RPGRIP1L: variants seen among roughly 807,000 people sequenced by gnomAD.
RPGRIP1L encodes the protein RPGRIP1 like.
RPGRIP1L carries 131 observed loss-of-function variants against 160.4 expected under a neutral mutation model. That is an observed-to-expected ratio of 0.82 (90% confidence interval 0.71 to 0.94). RPGRIP1L has a LOEUF of 0.94. RPGRIP1L is among the 40% of genes least tolerant of loss of function. The pLI is 0.00. For synonymous variants in RPGRIP1L, 510 were observed against 515.8 expected, an observed-to-expected ratio of 0.99 and a Z score of 0.15; for missense variants, 1,522 against 1,535.8, an observed-to-expected ratio of 0.99 and a Z score of 0.15.
intron 5 of RPGRIP1L, among the ~76,000 whole-genome samples, chr16:53,687,489 T>C (rs955411333): frequency 1.3e-5 from 2 of 152,148 alleles, no homozygotes; most frequent in African/African-American, 4.8e-5. Flanking sequence ...CAATTCTTTA[T>C]TTATTTTTTT....
chr16:53,636,640 T>C, intron 21 of RPGRIP1L, 128 bp from the exon 22 acceptor site: 1 of 582,294 alleles, frequency 1.7e-6, no homozygotes. Flanking sequence ...TACCTAGATC[T>C]TTTTTAGTAG....
At chr16:53,610,914 AC>A in intron 25 of RPGRIP1L, 52 bp downstream of exon 25, 1 of 1,362,592 alleles carries the variant, frequency 7.3e-7, no homozygotes, top group Non-Finnish European at 1.1e-6. Flanking sequence ...ATGTCCTGCT[AC>A]AGAGATCTAC....
intron 22 of RPGRIP1L, among the ~76,000 whole-genome samples, chr16:53,626,145 T>TAAAAAAAAAAA (rs760491478): frequency 1.4e-3 from 83 of 60,310 alleles, no homozygotes; most frequent in South Asian, 2.2e-3. Flanking sequence ...CAATAAATAC[T>TAAAAAAAAAAA]AAAAAAAAAA....
intron 14 of RPGRIP1L, chr16:53,653,465 C>T (rs1966971973): frequency 2.3e-6 from 1 of 430,034 alleles, no homozygotes; most frequent in African/African-American, 2.1e-5. Flanking sequence ...CCGTTATATA[C>T]AGAGGCCAAC....
Position 53,652,683 on chromosome 16 carries a change from T to A in RPGRIP1L, c.2004A>T (p.Leu668Phe). Residue 668 changes from leucine (L) to phenylalanine (F), a missense_variant, in exon 15 of 27, where the codon TTA becomes TTT. Physicochemically the swap from Leu to Phe is conservative, Grantham distance 22 (BLOSUM62 0). Coordinates refer to ENST00000647211, the MANE Select transcript of RPGRIP1L (RefSeq NM_015272.5). Reference protein sequence around the residue: ...TSQYLVHVNDLFLQYIQKNTI... With the variant: ...TSQYLVHVNDFFLQYIQKNTI... ...TATTCTTCTGAATATATTGCAAAAA[T>A]AAGTCATTAACATGAACAAGATATT... 1 of 1,614,036 alleles carries A rather than the reference T, an allele frequency of 6.2e-7. No individual in the cohort carries two copies. The highest frequency in any genetic ancestry group is 8.5e-7 in the Non-Finnish European group (1 of 1,179,970).
chr16:53,679,443 C>T (rs528270958), intron 6 of RPGRIP1L, among the ~76,000 whole-genome samples: 2 of 151,898 alleles, frequency 1.3e-5, no homozygotes, highest in Admixed American at 6.5e-5. Context: ...ACTCTGTCAC[C>T]GACGATGGAG....
At position 53,691,921 on chromosome 16, in the gene RPGRIP1L, ATTATT is replaced by A. The variant is rs759068600; in HGVS notation, c.529+140_529+144del. The A allele has an allele frequency of 6.9e-5, 53 of 767,858 alleles. 1 individual carries two copies. Among genetic ancestry groups the A allele is most frequent in the East Asian group, 2.9e-4 (11 of 37,698 alleles). 47.6% of individuals were successfully genotyped at this position (767,858 alleles called of 1,614,324 possible). A position where few individuals can be genotyped will look rare whatever the true frequency, so the allele number is the denominator to read the frequency against. ...TTCTTAAATAATCTTCACTGACAAT[ATTATT>A]TTATCAAAGTAAAAAATTATTTTTC... On this transcript the variant is annotated intron_variant, in intron 4 of 26. Transcript: ENST00000647211.
chr16:53,700,221 T>A (rs962903479), intron 2 of RPGRIP1L, among the ~76,000 whole-genome samples: 1 of 152,232 alleles, frequency 6.6e-6, no homozygotes, highest in African/African-American at 2.4e-5. Flanking sequence ...AAAGTCACTA[T>A]CATGTGAGAT....
chr16:53,635,307 T>C lies in RPGRIP1L; in HGVS notation c.3294+1132A>G, dbSNP rs191847727. 3.3e-5 allele frequency: 5 copies of C among 152,278 alleles called. No individual in the cohort carries two copies. In the East Asian group the frequency reaches 9.6e-4, roughly 29 times the overall value. 9.4% of individuals were successfully genotyped at this position (152,278 alleles called of 1,614,324 possible). On this transcript the variant is annotated intron_variant, in intron 22 of 26. Coordinates refer to ENST00000647211, the MANE Select transcript of RPGRIP1L (RefSeq NM_015272.5). Reference sequence around the variant, plus strand: ...GGAGTTTTCATAGATTGGATGCTGTTATTGTAATTAATAAATATATAATAA... The same window carrying C: ...GGAGTTTTCATAGATTGGATGCTGTCATTGTAATTAATAAATATATAATAA...
intron 17 of RPGRIP1L, among the ~76,000 whole-genome samples, chr16:53,644,984 G>T (rs182790575): frequency 6.6e-6 from 1 of 152,184 alleles, no homozygotes; most frequent in Admixed American, 6.5e-5. Context: ...TGATTTAAAA[G>T]ATAACTGCAT....
chr16:53,669,399 C>A (rs1418216268), intron 9 of RPGRIP1L, among the ~76,000 whole-genome samples: 1 of 151,218 alleles, frequency 6.6e-6, no homozygotes, highest in Non-Finnish European at 1.5e-5. Flanking sequence ...GTGTGAGCAG[C>A]ATAACGAAGT....
chr16:53,671,491 A>G lies in RPGRIP1L; in HGVS notation c.1103+19T>C. 1.3e-6 allele frequency: 2 copies of G among 1,489,720 alleles called. No individual in the cohort carries two copies. The highest frequency in any genetic ancestry group is 2.3e-5 in the South Asian group (2 of 88,216). The allele number at this position is 1,489,720 out of a possible 1,614,324, so 92.3% of individuals were successfully genotyped here. On this transcript the variant is annotated intron_variant, in intron 9 of 26. Transcript: ENST00000647211. The stretch of plus-strand genomic sequence containing the variant: ...AGCTCAAACAAGACAATGAAAGAAC[A>G]CATGGAATCACGATTTACCTGTCAT...
At chr16:53,633,234 C>A (rs1247069805) in intron 22 of RPGRIP1L, among the ~76,000 whole-genome samples, 1 of 152,074 alleles carries the variant, frequency 6.6e-6, no homozygotes, top group East Asian at 1.9e-4. Flanking sequence ...ATTTATGAAA[C>A]AACACTTCAA....
In RPGRIP1L at chr16:53,657,509, G is replaced by T. The variant is rs780528142; in HGVS notation, c.1525C>A (p.Leu509Met). Residue 509 changes from leucine (L) to methionine (M), a missense_variant, in exon 13 of 27, where the codon CTG becomes ATG. Leu to Met is a conservative substitution (Grantham distance 15). Transcript: ENST00000647211. ...ATTAGCATGTTTCTTGTCTTTTCCA[G>T]CTCTTGCACCGTTTCTGCATGAGTT... The part of the protein sequence containing the change: ...QATHAETVQE[L>M]EKTRNMLIMQ... 2 of 1,612,690 alleles carry T rather than the reference G, an allele frequency of 1.2e-6. No individual in the cohort carries two copies. Among genetic ancestry groups the T allele is most frequent in the Admixed American group, 3.3e-5 (2 of 59,918 alleles).
intron 22 of RPGRIP1L, among the ~76,000 whole-genome samples, chr16:53,629,211 A>G (rs144848085): frequency 6.6e-6 from 1 of 152,290 alleles, no homozygotes; most frequent in Non-Finnish European, 1.5e-5. Flanking sequence ...ATTCTGACTT[A>G]ATTTATCTAG....
At chr16:53,641,006 T>G in intron 19 of RPGRIP1L, 27 bp downstream of exon 19, 2 of 1,477,392 alleles carry the variant, frequency 1.4e-6, no homozygotes, top group Non-Finnish European at 1.9e-6. Context: ...TATGAAAAAA[T>G]CAGTATTTTC....
In RPGRIP1L at chr16:53,637,700, G is replaced by A; in HGVS notation, c.3215C>T (p.Pro1072Leu). 6.2e-7 allele frequency: 1 copy of A among 1,608,244 alleles called. No homozygotes were observed. Among genetic ancestry groups the A allele is most frequent in the Non-Finnish European group, 8.5e-7 (1 of 1,179,590 alleles). ...DETEITEDLE[P>L]EVEEDMSASD... ...AGTTTAAATAAGAAAGTCACCTTCT[G>A]GTTCCAAGTCCTCTGTTATTTCTGT... Residue 1072 changes from proline to leucine, a missense_variant, in exon 21 of 27, where the codon CCA (proline) becomes CTA (leucine). By Grantham distance (98) the Pro-to-Leu change is moderately conservative (BLOSUM62 -3). Transcript: ENST00000647211.
chr16:53,609,964 G>GC (rs1963922560), intron 25 of RPGRIP1L, among the ~76,000 whole-genome samples: 1 of 152,030 alleles, frequency 6.6e-6, no homozygotes, highest in Non-Finnish European at 1.5e-5. Context: ...TCACTTTATG[G>GC]CCCTCTGGAA....
rs376335724 is a variant in RPGRIP1L at position 53,658,799 on chromosome 16, A to G, written c.1323T>C (p.Leu441=). ...GGTTGTACAATTTTATGCGTTTTTT[A>G]AGTTCATCAAGTTGTTGCTTTTGTT... ...YLEQKQQLDE[L]KKRIKLYNQE... The change falls in exon 11 of 27, where the codon CTT becomes CTC. Residue 441 remains leucine, a synonymous_variant. Coordinates refer to ENST00000647211, the MANE Select transcript of RPGRIP1L (RefSeq NM_015272.5). 2.9e-5 allele frequency: 46 copies of G among 1,605,532 alleles called. No homozygotes were observed. Among genetic ancestry groups the G allele is most frequent in the Non-Finnish European group, 3.7e-5 (44 of 1,174,364 alleles).
Sources: gnomAD v4.1 joint callset for allele counts (sites outside exome capture counted in the v4.1 genomes callset) on GRCh38, gnomAD v4.1.1 for gene constraint, MANE v1.5 for transcripts, NCBI Gene and HGNC (gene_info 2026-07-23, HGNC 2026-07-21) for gene names.